The following SORCS1 variants were observed in gnomAD, a reference collection of about 807,000 sequenced individuals.
SORCS1 encodes sortilin related VPS10 domain containing receptor 1.
SORCS1 carries 60 observed loss-of-function variants against 146.1 expected under a neutral mutation model. The observed-to-expected ratio is 0.41, with a 90% CI of 0.33 to 0.51. The LOEUF is 0.51. SORCS1 is among the 20% of genes least tolerant of loss of function. The pLI, the probability that SORCS1 is intolerant of heterozygous loss-of-function variation, is 0.21. For missense variants in SORCS1, 1,352 were observed against 1,487.6 expected, an observed-to-expected ratio of 0.91 and a Z score of 1.50; for synonymous variants, 637 against 584.0, an observed-to-expected ratio of 1.09 and a Z score of -1.31.
At chr10:106,595,901 C>T (rs11814111) in intron 24 of SORCS1, among the ~76,000 whole-genome samples, 49,467 of 152,052 alleles carry the variant, frequency 0.33, 9,734 homozygotes, top group East Asian at 0.61. Context: ...ATAACTCATA[C>T]CTGCTTTAAA....
At chr10:106,863,102 A>C (rs1283925556) in intron 2 of SORCS1, among the ~76,000 whole-genome samples, 1 of 152,248 alleles carries the variant, frequency 6.6e-6, no homozygotes, top group Non-Finnish European at 1.5e-5. Context: ...GAAACAAACA[A>C]AGAGGGCTAC....
intron 13 of SORCS1, among the ~76,000 whole-genome samples, chr10:106,675,712 G>C (rs1851977769): frequency 6.6e-6 from 1 of 152,174 alleles, no homozygotes; most frequent in South Asian, 2.1e-4. Context: ...CTAAATGCTT[G>C]TGTCCTCTCT....
chr10:107,166,965 T>A (rs1329685825), upstream of SORCS1, among the ~76,000 whole-genome samples: 1 of 152,220 alleles, frequency 6.6e-6, no homozygotes, highest in Admixed American at 6.5e-5. Flanking sequence ...GTAGAGTAGA[T>A]TTTTCCTTCC....
At chr10:106,715,436 G>T (rs1169919750) in intron 6 of SORCS1, among the ~76,000 whole-genome samples, 1 of 152,206 alleles carries the variant, frequency 6.6e-6, no homozygotes, top group African/African-American at 2.4e-5. Flanking sequence ...AAGGGAAGCT[G>T]CTTTTAAAAA....
At chr10:106,697,993 G>T (rs1229634431) in intron 9 of SORCS1, among the ~76,000 whole-genome samples, 1 of 152,114 alleles carries the variant, frequency 6.6e-6, no homozygotes, top group Non-Finnish European at 1.5e-5. Context: ...AAAAACTTAT[G>T]AAAGTATGAA....
At chr10:106,825,421 GC>G (rs1255946816) in intron 3 of SORCS1, among the ~76,000 whole-genome samples, 2 of 151,710 alleles carry the variant, frequency 1.3e-5, no homozygotes, top group Non-Finnish European at 2.9e-5. Context: ...ACAGGCACCC[GC>G]CACCACGCCT....
In SORCS1 at chr10:106,841,045, G is replaced by A. The variant is rs200131081; in HGVS notation, c.627-11372C>T. The stretch of plus-strand genomic sequence containing the variant: ...TAATTTTTTGCATTTTAATAGAGAC[G>A]GGGTTTCACCATGTTGGCCAAGATG... On this transcript the variant is annotated intron_variant, in intron 2 of 25. Coordinates refer to ENST00000263054, the MANE Select transcript of SORCS1 (RefSeq NM_052918.5). Among the ~76,000 whole-genome samples, 8 of 151,290 alleles carry A rather than the reference G, an allele frequency of 5.3e-5. No homozygotes were observed. In the East Asian group the frequency reaches 1.2e-3, roughly 22 times the overall value.
At chr10:107,037,934 C>A (rs1013704236) in intron 1 of SORCS1, among the ~76,000 whole-genome samples, 1 of 152,238 alleles carries the variant, frequency 6.6e-6, no homozygotes, top group Non-Finnish European at 1.5e-5. Flanking sequence ...TCAAGCGATT[C>A]TTGTGCCTCA....
At chr10:107,067,682 A>G (rs920932142) in intron 1 of SORCS1, among the ~76,000 whole-genome samples, 3 of 152,192 alleles carry the variant, frequency 2.0e-5, no homozygotes, top group African/African-American at 7.2e-5. Flanking sequence ...CATAAAAGCA[A>G]CTGGAATCGG....
intron 2 of SORCS1, among the ~76,000 whole-genome samples, chr10:106,868,959 TGAAAG>T (rs1209874003): frequency 6.6e-6 from 1 of 151,750 alleles, no homozygotes; most frequent in Admixed American, 6.6e-5. Flanking sequence ...CTAATAAAGA[TGAAAG>T]GAGAGAAGAT....
upstream of SORCS1, among the ~76,000 whole-genome samples, chr10:107,167,467 G>T (rs1970078697): frequency 6.6e-6 from 1 of 152,090 alleles, no homozygotes; most frequent in Non-Finnish European, 1.5e-5. Context: ...TCTTTTCATT[G>T]TGCACGTGAC....
At chr10:106,578,795 CT>C (rs1844718506) in intron 25 of SORCS1, 1 of 1,231,202 alleles carries the variant, frequency 8.1e-7, no homozygotes, top group Admixed American at 4.0e-5. Flanking sequence ...AAAGCAAATG[CT>C]TTGCTCTTTG....
At chr10:107,167,932 ACT>A (rs376108881), upstream of SORCS1, among the ~76,000 whole-genome samples, 2 of 152,168 alleles carry the variant, frequency 1.3e-5, no homozygotes, top group African/African-American at 2.4e-5. Flanking sequence ...AAGTGTGGAC[ACT>A]CTGCCCTACA....
At chr10:106,808,659 C>T (rs918805032) in intron 3 of SORCS1, among the ~76,000 whole-genome samples, 1 of 152,070 alleles carries the variant, frequency 6.6e-6, no homozygotes, top group African/African-American at 2.4e-5. Flanking sequence ...CCCGCCACCT[C>T]GCCTGGCTAA....
intron 1 of SORCS1, among the ~76,000 whole-genome samples, chr10:107,047,782 C>T: frequency 6.6e-6 from 1 of 151,720 alleles, no homozygotes; most frequent in Middle Eastern, 3.2e-3. Flanking sequence ...ATCTCTCATA[C>T]CCCTGTTTAG....
chr10:106,857,354 C>G (rs1949828690), intron 2 of SORCS1, among the ~76,000 whole-genome samples: 1 of 152,180 alleles, frequency 6.6e-6, no homozygotes, highest in Non-Finnish European at 1.5e-5. Flanking sequence ...GCCAAGGTCA[C>G]AAAGCAAAGA....
chr10:106,985,352 A>T (rs577206760), intron 1 of SORCS1, among the ~76,000 whole-genome samples: 8 of 152,156 alleles, frequency 5.3e-5, no homozygotes, highest in Admixed American at 4.6e-4. Context: ...TACGAAGTGT[A>T]TTTTTTCTCT....
the SORCS1 span, among the ~76,000 whole-genome samples, chr10:107,174,310 G>A: frequency 2.3e-4 from 35 of 151,904 alleles, no homozygotes; most frequent in African/African-American, 5.6e-4. Flanking sequence ...GGTTCACGCC[G>A]TTCTCCTGCC....
chr10:106,731,944 G>T (rs568993169), intron 5 of SORCS1, among the ~76,000 whole-genome samples: 1 of 152,160 alleles, frequency 6.6e-6, no homozygotes, highest in African/African-American at 2.4e-5. Context: ...GAAAGAAAGC[G>T]AAGGGGCTAT....
Sources: allele counts gnomAD v4.1 joint callset (sites outside exome capture counted in the v4.1 genomes callset), GRCh38; gene constraint gnomAD v4.1.1; transcripts MANE v1.5; gene names NCBI Gene and HGNC (gene_info 2026-07-23, HGNC 2026-07-21).